The following CDH4 variants were observed in gnomAD, a reference collection of about 807,000 sequenced individuals.
The protein encoded by CDH4 is cadherin-4.
CDH4 carries 33 observed loss-of-function variants against 86.0 expected under a neutral mutation model. The ratio of observed to expected loss-of-function variants is 0.38; its 90% CI spans 0.29 to 0.51. The LOEUF is 0.51. Ranked by LOEUF, CDH4 falls within the 20% of genes least tolerant of loss-of-function variation. The pLI, the probability that CDH4 is intolerant of heterozygous loss-of-function variation, is 0.86. For synonymous variants in CDH4, 555 were observed against 549.4 expected (o/e 1.01, Z -0.14); for missense variants, 1,114 against 1,307.4 (o/e 0.85, Z 2.28).
intron 2 of CDH4, among the ~76,000 whole-genome samples, chr20:61,335,629 C>T (rs951531536): frequency 6.6e-6 from 1 of 152,168 alleles, no homozygotes; most frequent in Non-Finnish European, 1.5e-5. Flanking sequence ...GAGGTGGGAT[C>T]AATAAGTCGT....
chr20:61,453,527 G>A (rs533390526), intron 2 of CDH4, among the ~76,000 whole-genome samples: 1 of 152,266 alleles, frequency 6.6e-6, no homozygotes, highest in South Asian at 2.1e-4. Context: ...AAAGGATTCA[G>A]TGTGTGGAAA....
At chr20:61,345,300 A>G (rs534892749) in intron 2 of CDH4, among the ~76,000 whole-genome samples, 40 of 152,316 alleles carry the variant, frequency 2.6e-4, no homozygotes, top group African/African-American at 7.7e-4. Context: ...CTACTTTCTC[A>G]CCTGGAATAG....
At chr20:61,599,990 G>C (rs775898174) in intron 2 of CDH4, 11 of 979,764 alleles carry the variant, frequency 1.1e-5, no homozygotes, top group Non-Finnish European at 1.3e-5. Context: ...GAAGTGACAG[G>C]TACCCCGTGC....
At chr20:61,507,094 CAT>C (rs1426977273) in intron 2 of CDH4, among the ~76,000 whole-genome samples, 2 of 152,192 alleles carry the variant, frequency 1.3e-5, no homozygotes, top group Non-Finnish European at 2.9e-5. Context: ...GAGTTTGCAA[CAT>C]GTGTGAGATT....
At chr20:61,601,565 C>A (rs1304125426) in intron 2 of CDH4, among the ~76,000 whole-genome samples, 1 of 152,222 alleles carries the variant, frequency 6.6e-6, no homozygotes, top group Non-Finnish European at 1.5e-5. Context: ...TGTTCAGATG[C>A]CCGCCCGCTG....
intron 2 of CDH4, among the ~76,000 whole-genome samples, chr20:61,311,226 G>A (rs1209010095): frequency 1.3e-5 from 2 of 152,068 alleles, no homozygotes; most frequent in Non-Finnish European, 2.9e-5. Context: ...CACCAGCAAT[G>A]TGTGTTTATC....
intron 5 of CDH4, 57 bp downstream of exon 5, chr20:61,844,880 C>T: frequency 6.5e-7 from 1 of 1,530,450 alleles, no homozygotes; most frequent in East Asian, 2.3e-5. Flanking sequence ...CCAGCCCTAC[C>T]AGGCCTTGGC....
intron 3 of CDH4, among the ~76,000 whole-genome samples, chr20:61,755,414 TAC>T (rs1221558748): frequency 6.9e-4 from 75 of 109,210 alleles, no homozygotes; most frequent in African/African-American, 2.6e-3. Context: ...ACACACACCA[TAC>T]ACACAGTGCA....
rs1404533736 is a variant in CDH4 at position 61,852,861 on chromosome 20, G to C, written c.840G>C (p.Gln280His). The C allele has an allele frequency of 1.9e-6, 3 of 1,614,022 alleles. No homozygotes were observed. In the South Asian group the frequency reaches 3.3e-5, roughly 18 times the overall value. ...ACAACCGCCCTGAGTTCATCAACCA[G>C]GTCTACAACGGCTCCGTGGACGAGG... ...MNDNRPEFIN[Q>H]VYNGSVDEGS... The change falls in exon 6 of 16, where the codon CAG becomes CAC. Residue 280 changes from glutamine (Q) to histidine (H), a missense_variant. Transcript: ENST00000614565.
At chr20:61,934,316 C>A in intron 15 of CDH4, 96 bp downstream of exon 15, 1 of 1,351,620 alleles carries the variant, frequency 7.4e-7, no homozygotes, top group Admixed American at 2.9e-5. Context: ...ACAGTGCCGG[C>A]GGCTGCCGTG....
chr20:61,346,487 T>A (rs1403262247), intron 2 of CDH4, among the ~76,000 whole-genome samples: 2 of 152,048 alleles, frequency 1.3e-5, no homozygotes, highest in Non-Finnish European at 2.9e-5. Flanking sequence ...CTCACGCCTG[T>A]AATCCCAGCA....
At chr20:61,369,493 G>A (rs1336791371) in intron 2 of CDH4, among the ~76,000 whole-genome samples, 5 of 148,182 alleles carry the variant, frequency 3.4e-5, no homozygotes, top group Admixed American at 3.4e-4. Flanking sequence ...CATCGTTGGG[G>A]CAATAAGCAG....
At chr20:61,760,701 G>A (rs190623724) in intron 3 of CDH4, among the ~76,000 whole-genome samples, 4 of 152,364 alleles carry the variant, frequency 2.6e-5, no homozygotes, top group African/African-American at 7.2e-5. Context: ...ATAACTGCCC[G>A]ACTGTGTTCA....
intron 3 of CDH4, among the ~76,000 whole-genome samples, chr20:61,767,936 T>C (rs1215060889): frequency 6.6e-6 from 1 of 152,138 alleles, no homozygotes; most frequent in African/African-American, 2.4e-5. Flanking sequence ...AGCTGCCCCC[T>C]CATGCATCTT....
chr20:61,491,188 G>A (rs937305527), intron 2 of CDH4, among the ~76,000 whole-genome samples: 1 of 152,238 alleles, frequency 6.6e-6, no homozygotes, highest in Non-Finnish European at 1.5e-5. Context: ...TGTGCGCATA[G>A]TGTGGATAAG....
intron 2 of CDH4, among the ~76,000 whole-genome samples, chr20:61,513,564 C>T (rs887768598): frequency 3.3e-5 from 5 of 152,346 alleles, no homozygotes; most frequent in Non-Finnish European, 5.9e-5. Flanking sequence ...CCCAGAATTC[C>T]GTGCTCCCTG....
At chr20:61,499,713 C>A (rs938368357) in intron 2 of CDH4, among the ~76,000 whole-genome samples, 1 of 152,126 alleles carries the variant, frequency 6.6e-6, no homozygotes, top group Admixed American at 6.5e-5. Context: ...GGGGTGTCAA[C>A]CTTGAGCTCC....
chr20:61,324,492 G>C (rs1483111941), intron 2 of CDH4, among the ~76,000 whole-genome samples: 3 of 152,180 alleles, frequency 2.0e-5, no homozygotes, highest in Non-Finnish European at 4.4e-5. Flanking sequence ...GACCTTGGCT[G>C]TGGGCTCAGA....
intron 2 of CDH4, among the ~76,000 whole-genome samples, chr20:61,302,036 A>G (rs1454837818): frequency 6.6e-6 from 1 of 152,248 alleles, no homozygotes; most frequent in South Asian, 2.1e-4. Context: ...AAACTTAAGT[A>G]TTTAAAGGCT....
Sources: gnomAD v4.1 joint callset for allele counts (sites outside exome capture counted in the v4.1 genomes callset) on GRCh38, gnomAD v4.1.1 for gene constraint, MANE v1.5 for transcripts, NCBI Gene and HGNC (gene_info 2026-07-23, HGNC 2026-07-21) for gene names.